The following TAMALIN variants were observed in gnomAD, a reference collection of about 807,000 sequenced individuals.
The protein encoded by TAMALIN is protein TAMALIN.
A neutral mutation model predicts 38.5 loss-of-function variants in TAMALIN; 9 were observed. That is an observed-to-expected ratio of 0.23 (90% CI 0.14 to 0.41). The LOEUF (loss-of-function observed/expected upper bound fraction) is 0.41, where lower values mean the gene tolerates loss of function less well. Ranked by LOEUF, TAMALIN falls within the 10% of genes least tolerant of loss-of-function variation. The pLI is 1.00. For missense variants in TAMALIN, 548 were observed against 554.1 expected, an observed-to-expected ratio of 0.99 and a Z score of 0.11; for synonymous variants, 306 against 256.5, an observed-to-expected ratio of 1.19 and a Z score of -1.85.
rs902361261 is a variant in TAMALIN at position 52,007,441 on chromosome 12, C to A, written c.246+176C>A. 1.5e-5 allele frequency: 15 copies of A among 985,240 alleles called. No individual in the cohort carries two copies. Among genetic ancestry groups the A allele is most frequent in the Admixed American group, 6.1e-5 (1 of 16,276 alleles). The allele number at this position is 985,240 out of a possible 1,614,324, so 61.0% of individuals were successfully genotyped here. ...GCTGCTGCGAAGGCCGTGGCCCTCGCCTGCACACCGCGCCCAGGCTCGGTG... is the reference window on the plus strand; with the variant it reads ...GCTGCTGCGAAGGCCGTGGCCCTCGACTGCACACCGCGCCCAGGCTCGGTG... On this transcript the variant is annotated intron_variant, in intron 1 of 7. Coordinates refer to ENST00000293662, the MANE Select transcript of TAMALIN (RefSeq NM_181711.4). This position sits in a 1 kb window ranked among gnomAD's most constrained non-coding sequence, Gnocchi z 6.7.
chr12:52,008,791 C>T, intron 1 of TAMALIN: 1 of 981,610 alleles, frequency 1.0e-6, no homozygotes, highest in African/African-American at 1.7e-5. Flanking sequence ...TCCTCTGAAT[C>T]CCACTGGGGA....
chr12:52,007,015 G>A lies in TAMALIN; in HGVS notation c.-5G>A. On this transcript the variant is annotated 5_prime_UTR_variant, in exon 1 of 8. Coordinates refer to ENST00000293662, the MANE Select transcript of TAMALIN (RefSeq NM_181711.4). This position sits in a 1 kb window ranked among gnomAD's most constrained non-coding sequence, Gnocchi z 6.7. ...CGTCTCTGAGGGGCGTCCGGCGCCG[G>A]AGCCATGACCCTCCGCCGACTCAGG... The A allele has an allele frequency of 7.2e-7, 1 of 1,397,696 alleles. No individual in the cohort carries two copies. Among genetic ancestry groups the A allele is most frequent in the South Asian group, 1.5e-5 (1 of 65,082 alleles). 86.6% of individuals were successfully genotyped at this position (1,397,696 alleles called of 1,614,324 possible).
Position 52,006,982 on chromosome 12 carries a change from G to GCCAGCGCCGTCTCTGAGGGGCGT in TAMALIN, c.-35_-13dup, listed in dbSNP as rs1401615991. 126 of 1,339,614 alleles carry GCCAGCGCCGTCTCTGAGGGGCGT rather than the reference G, an allele frequency of 9.4e-5. 1 individual carries two copies. The highest frequency in any genetic ancestry group is 2.8e-4 in the Middle Eastern group (1 of 3,600). 83.0% of individuals were successfully genotyped at this position (1,339,614 alleles called of 1,614,324 possible). ...GCCGCCGCCAGCCCCGCCGAGGGGA[G>GCCAGCGCCGTCTCTGAGGGGCGT]CCAGCGCCGTCTCTGAGGGGCGTCC... On this transcript the variant is annotated 5_prime_UTR_variant, in exon 1 of 8. Transcript: ENST00000293662.
Position 52,014,112 on chromosome 12 carries a change from G to A in TAMALIN, c.616-23G>A, listed in dbSNP as rs199673836. 7 of 1,600,694 alleles carry A rather than the reference G, an allele frequency of 4.4e-6. No individual in the cohort carries two copies. In the African/African-American group the frequency reaches 9.4e-5, roughly 21 times the overall value. On this transcript the variant is annotated intron_variant, in intron 6 of 7. Coordinates refer to ENST00000293662, the MANE Select transcript of TAMALIN (RefSeq NM_181711.4). ...TAGTTTCCTGCTAGCTTGTGACAGT[G>A]GGGTGGGGACTGTCTCTTGCAGCAA...
rs1565633153 is a variant in TAMALIN, at chr12:52,015,465, C to T, written c.*266C>T. 1 of 437,802 alleles carries T rather than the reference C, an allele frequency of 2.3e-6. No homozygotes were observed. Among genetic ancestry groups the T allele is most frequent in the Non-Finnish European group, 4.2e-6 (1 of 240,314 alleles). 27.1% of individuals were successfully genotyped at this position (437,802 alleles called of 1,614,324 possible). On this transcript the variant is annotated 3_prime_UTR_variant, in exon 8 of 8. Coordinates refer to ENST00000293662, the MANE Select transcript of TAMALIN (RefSeq NM_181711.4). Reference sequence around the variant, plus strand: ...GGGGGCCAAAGATGGGGGTGCTCGCCTACAGTCTGCATCTGTAGTGCCTTG... The same window carrying T: ...GGGGGCCAAAGATGGGGGTGCTCGCTTACAGTCTGCATCTGTAGTGCCTTG...
Position 52,014,903 on chromosome 12 carries a change from C to A in TAMALIN, c.892C>A (p.Leu298Met). The A allele has an allele frequency of 8.5e-7, 1 of 1,169,858 alleles. No homozygotes were observed. The highest frequency in any genetic ancestry group is 2.2e-5 in the South Asian group (1 of 44,738). 72.5% of individuals were successfully genotyped at this position (1,169,858 alleles called of 1,614,324 possible). A position where few individuals can be genotyped will look rare whatever the true frequency, so the allele number is the denominator to read the frequency against. The stretch of plus-strand genomic sequence containing the variant: ...CTTCGGGGACTCCGAGCCGCCGGCG[C>A]TGCCGCCCCCGCCGCCCCCGGCCCG... ...CFFGDSEPPA[L>M]PPPPPPARAF... The change falls in exon 8 of 8, where the codon CTG (leucine) becomes ATG (methionine). Residue 298 changes from leucine (L) to methionine (M), a missense_variant. Around this residue, in one of 3 missense-constraint regions of TAMALIN, gnomAD observed 415 missense variants for 417.0 expected, o/e 1.00. Coordinates refer to ENST00000293662, the MANE Select transcript of TAMALIN (RefSeq NM_181711.4).
chr12:52,011,430 T>C lies in TAMALIN; in HGVS notation c.454+289T>C. ...CTGCCAGGGCCTAATTAATGGTGGA[T>C]GATGCTGCTGCTGCTCTGATTCCTC... On this transcript the variant is annotated intron_variant, in intron 4 of 7. Transcript: ENST00000293662. The surrounding 1 kb of genome is among the most constrained non-coding windows in gnomAD (Gnocchi z 5.3). 1 of 589,012 alleles carries C rather than the reference T, an allele frequency of 1.7e-6. No individual in the cohort carries two copies. The highest frequency in any genetic ancestry group is 3.0e-5 in the Admixed American group (1 of 33,864). The allele number at this position is 589,012 out of a possible 1,614,324, so 36.5% of individuals were successfully genotyped here.
At chr12:52,013,054 CT>C (rs1202337335) in intron 4 of TAMALIN, among the ~76,000 whole-genome samples, 4 of 149,504 alleles carry the variant, frequency 2.7e-5, no homozygotes, top group African/African-American at 9.8e-5. Flanking sequence ...CCTGGGTGGG[CT>C]TAGCTTTGGG....
Position 52,014,179 on chromosome 12 carries a change from G to T in TAMALIN, c.660G>T (p.Val220=), listed in dbSNP as rs547805268. 12 of 1,603,190 alleles carry T rather than the reference G, an allele frequency of 7.5e-6. No homozygotes were observed. In the South Asian group the frequency reaches 1.3e-4, roughly 18 times the overall value. ...EKWGEYRSLM[V]QEQRLVHGLV... ...GGGGAGAGTACAGGTCCCTAATGGTGCAGGAGCAGCGGCTGGTGCATGGTG... is the reference window on the plus strand; with the variant it reads ...GGGGAGAGTACAGGTCCCTAATGGTTCAGGAGCAGCGGCTGGTGCATGGTG... Residue 220 remains valine, a synonymous_variant, in exon 7 of 8, where the codon GTG becomes GTT. Coordinates refer to ENST00000293662, the MANE Select transcript of TAMALIN (RefSeq NM_181711.4).
At chr12:52,014,347 C>A in intron 7 of TAMALIN, 146 bp downstream of exon 7, 1 of 718,134 alleles carries the variant, frequency 1.4e-6, no homozygotes, top group Non-Finnish European at 2.5e-6. Context: ...GCTACTACTA[C>A]TTTGGGTACT....
At chr12:52,013,118 C>T (rs868707550) in intron 4 of TAMALIN, among the ~76,000 whole-genome samples, 1 of 147,334 alleles carries the variant, frequency 6.8e-6, no homozygotes, top group Non-Finnish European at 1.5e-5. Flanking sequence ...CGCTCTGTCG[C>T]CCAGGCTGGA....
chr12:52,014,900 G>A lies in TAMALIN; in HGVS notation c.889G>A (p.Ala297Thr). The A allele has an allele frequency of 8.4e-7, 1 of 1,193,246 alleles. No homozygotes were observed. Among genetic ancestry groups the A allele is most frequent in the Non-Finnish European group, 1.0e-6 (1 of 953,642 alleles). 73.9% of individuals were successfully genotyped at this position (1,193,246 alleles called of 1,614,324 possible). A position where few individuals can be genotyped will look rare whatever the true frequency, so the allele number is the denominator to read the frequency against. Residue 297 changes from alanine to threonine, a missense_variant, in exon 8 of 8, where the codon GCG (alanine) becomes ACG (threonine). This residue lies in a region of TAMALIN where 415 missense variants were observed against 417.0 expected (regional missense o/e 1.00). Transcript: ENST00000293662. ...TCFFGDSEPP[A>T]LPPPPPPARA... The stretch of plus-strand genomic sequence containing the variant: ...CTTCTTCGGGGACTCCGAGCCGCCG[G>A]CGCTGCCGCCCCCGCCGCCCCCGGC...
chr12:52,008,278 G>C (rs1421881413), intron 1 of TAMALIN: 1 of 985,200 alleles, frequency 1.0e-6, no homozygotes, highest in African/African-American at 1.7e-5. Flanking sequence ...GGCTGTGCAG[G>C]CTCCAAAGAA....
At position 52,006,974 on chromosome 12, in the gene TAMALIN, C is replaced by A. The variant is rs1022379581; in HGVS notation, c.-46C>A. ...ATCCCCCAGCCGCCGCCAGCCCCGC[C>A]GAGGGGAGCCAGCGCCGTCTCTGAG... is the stretch of plus-strand genomic sequence containing the variant. On this transcript the variant is annotated 5_prime_UTR_variant, in exon 1 of 8. Coordinates refer to ENST00000293662, the MANE Select transcript of TAMALIN (RefSeq NM_181711.4). The A allele has an allele frequency of 7.6e-7, 1 of 1,318,572 alleles. No individual in the cohort carries two copies. Among genetic ancestry groups the A allele is most frequent in the Non-Finnish European group, 9.6e-7 (1 of 1,038,566 alleles). The allele number at this position is 1,318,572 out of a possible 1,614,324, so 81.7% of individuals were successfully genotyped here. A position where few individuals can be genotyped will look rare whatever the true frequency, so the allele number is the denominator to read the frequency against.
chr12:52,014,350 TG>T (rs1937734670), intron 7 of TAMALIN, 149 bp downstream of exon 7: 1 of 711,220 alleles, frequency 1.4e-6, no homozygotes, highest in South Asian at 1.6e-5. Flanking sequence ...ACTACTACTT[TG>T]GGTACTGCCG....
chr12:52,012,284 G>C (rs555215218), intron 4 of TAMALIN, among the ~76,000 whole-genome samples: 1 of 152,072 alleles, frequency 6.6e-6, no homozygotes, highest in African/African-American at 2.4e-5. Flanking sequence ...ATGGAGTTTC[G>C]CTCTTGTTGC....
chr12:52,009,103 TGG>T, intron 1 of TAMALIN, 85 bp from the exon 2 acceptor site: 1 of 1,255,516 alleles, frequency 8.0e-7, no homozygotes, highest in Non-Finnish European at 1.2e-6. Flanking sequence ...AGACAGGAAG[TGG>T]GTCGCTGTGT....
At chr12:52,013,075 C>CTTTTT (rs3035021) in intron 4 of TAMALIN, among the ~76,000 whole-genome samples, 3 of 124,422 alleles carry the variant, frequency 2.4e-5, no homozygotes, top group Non-Finnish European at 5.0e-5. Flanking sequence ...GACAGAACTT[C>CTTTTT]TTTTTTTTTT....
rs535929592 is a variant in TAMALIN at position 52,007,763 on chromosome 12, A to T, written c.246+498A>T. ...CCGGATAGCACACCCTTCCGAGGGG[A>T]CTCCCCGATTCCTGGGCTGGGGGCC... is the stretch of plus-strand genomic sequence containing the variant. On this transcript the variant is annotated intron_variant, in intron 1 of 7. Transcript: ENST00000293662. The surrounding 1 kb of genome is among the most constrained non-coding windows in gnomAD (Gnocchi z 6.7). 48 of 985,034 alleles carry T rather than the reference A, an allele frequency of 4.9e-5. No individual in the cohort carries two copies. The East Asian group carries it at 2.9e-3, about 59-fold the overall frequency. The allele number at this position is 985,034 out of a possible 1,614,324, so 61.0% of individuals were successfully genotyped here.
Sources: allele counts gnomAD v4.1 joint callset (sites outside exome capture counted in the v4.1 genomes callset), GRCh38; gene constraint gnomAD v4.1.1; regional missense constraint gnomAD v4.1.1; non-coding constraint Gnocchi (gnomAD v3.1); transcripts MANE v1.5; gene names NCBI Gene and HGNC (gene_info 2026-07-23, HGNC 2026-07-21).